Variants in GNG12 observed in about 807,000 individuals in gnomAD.
GNG12 encodes G protein subunit gamma 12.
For missense variants in GNG12, 69 were observed against 83.8 expected, an observed-to-expected ratio of 0.82 and a Z score of 0.69; for synonymous variants, 28 against 29.7, an observed-to-expected ratio of 0.94 and a Z score of 0.19.
chr1:67,712,015 G>A (rs1249994827), intron 2 of GNG12, among the ~76,000 whole-genome samples: 1 of 152,220 alleles, frequency 6.6e-6, no homozygotes, highest in African/African-American at 2.4e-5. Flanking sequence ...GAGAGGCAGA[G>A]GTGTTTACAG....
chr1:67,706,593 G>GACT (rs371229167), intron 3 of GNG12, among the ~76,000 whole-genome samples: 1 of 151,964 alleles, frequency 6.6e-6, no homozygotes, highest in African/African-American at 2.4e-5. Flanking sequence ...GAAGACAGGT[G>GACT]ACTATCTCCA....
chr1:67,705,877 C>T (rs1231801682), intron 3 of GNG12, among the ~76,000 whole-genome samples: 1 of 152,192 alleles, frequency 6.6e-6, no homozygotes, highest in East Asian at 1.9e-4. Context: ...GCTAGCATTC[C>T]TGTCCAACAT....
chr1:67,817,896 C>T (rs1279811966), intron 1 of GNG12, among the ~76,000 whole-genome samples: 1 of 151,170 alleles, frequency 6.6e-6, no homozygotes, highest in Non-Finnish European at 1.5e-5. Context: ...AGAAAATCCT[C>T]CCACCTCAGC....
At chr1:67,818,669 G>C (rs1312661064) in intron 1 of GNG12, among the ~76,000 whole-genome samples, 1 of 152,092 alleles carries the variant, frequency 6.6e-6, no homozygotes, top group Non-Finnish European at 1.5e-5. Context: ...GTGGAGGTAG[G>C]AGCTATTGTG....
chr1:67,751,648 A>G (rs1646539314), intron 2 of GNG12, among the ~76,000 whole-genome samples: 1 of 152,208 alleles, frequency 6.6e-6, no homozygotes, highest in African/African-American at 2.4e-5. Flanking sequence ...TACTTAGGTA[A>G]CCTGAAAAGC....
chr1:67,739,249 C>T (rs1278587742), intron 2 of GNG12, among the ~76,000 whole-genome samples: 1 of 152,208 alleles, frequency 6.6e-6, no homozygotes, highest in Non-Finnish European at 1.5e-5. Flanking sequence ...GGATCCCACC[C>T]TGTATGCCTG....
At chr1:67,808,880 T>C (rs1218879975) in intron 1 of GNG12, among the ~76,000 whole-genome samples, 2 of 152,184 alleles carry the variant, frequency 1.3e-5, no homozygotes, top group Non-Finnish European at 1.5e-5. Context: ...ACTTGACCTA[T>C]AGATTCAGTG....
intron 2 of GNG12, among the ~76,000 whole-genome samples, chr1:67,723,813 T>C (rs1302461119): frequency 6.6e-6 from 1 of 152,174 alleles, no homozygotes; most frequent in African/African-American, 2.4e-5. Context: ...GATACTTTTA[T>C]GATTAAGAAA....
intron 1 of GNG12, among the ~76,000 whole-genome samples, chr1:67,819,953 C>G: frequency 6.6e-6 from 1 of 152,104 alleles, no homozygotes; most frequent in Non-Finnish European, 1.5e-5. Context: ...TGTCTCAGTC[C>G]CCTGCTTTGC....
chr1:67,765,925 G>A (rs1212907343), intron 2 of GNG12, among the ~76,000 whole-genome samples: 1 of 152,110 alleles, frequency 6.6e-6, no homozygotes, highest in African/African-American at 2.4e-5. Context: ...ACAATGATTT[G>A]TTGTAACTAG....
intron 2 of GNG12, among the ~76,000 whole-genome samples, chr1:67,763,645 GC>G (rs1260313671): frequency 6.6e-6 from 1 of 151,622 alleles, no homozygotes; most frequent in Non-Finnish European, 1.5e-5. Context: ...CAACCCTCCT[GC>G]CTCAGCCTCC....
chr1:67,709,055 G>A (rs1416528574), intron 2 of GNG12, among the ~76,000 whole-genome samples: 2 of 152,228 alleles, frequency 1.3e-5, no homozygotes, highest in African/African-American at 4.8e-5. Context: ...ACTTGGGTAG[G>A]GCTTGTAGCC....
chr1:67,755,259 T>C (rs1646561481), intron 2 of GNG12, among the ~76,000 whole-genome samples: 1 of 152,272 alleles, frequency 6.6e-6, no homozygotes, highest in Admixed American at 6.5e-5. Context: ...TGTGGACTTC[T>C]TTTTATATGA....
At chr1:67,741,339 T>A (rs1377868625) in intron 2 of GNG12, among the ~76,000 whole-genome samples, 1 of 152,238 alleles carries the variant, frequency 6.6e-6, no homozygotes, top group Admixed American at 6.5e-5. Flanking sequence ...GTAAGGTCAC[T>A]GACATGTGCA....
In GNG12 at chr1:67,702,161, T is replaced by G. The variant is rs529011159; in HGVS notation, c.*3290A>C. 2.5e-4 allele frequency: 38 copies of G among 152,334 alleles called. No homozygotes were observed. The highest frequency in any genetic ancestry group is 9.1e-4 in the African/African-American group (38 of 41,580). The allele number at this position is 152,334 out of a possible 1,614,324, so 9.4% of individuals were successfully genotyped here. A position where few individuals can be genotyped will look rare whatever the true frequency, so the allele number is the denominator to read the frequency against. ...AGTGCTCTATTTTAACATACAGATA[T>G]AAGATTCTATTTGATTTGATGTATT... is the stretch of plus-strand genomic sequence containing the variant. On this transcript the variant is annotated 3_prime_UTR_variant, in exon 4 of 4. Transcript: ENST00000370982.
intron 2 of GNG12, among the ~76,000 whole-genome samples, chr1:67,757,914 G>A (rs1301587644): frequency 2.0e-5 from 3 of 152,208 alleles, no homozygotes; most frequent in Non-Finnish European, 4.4e-5. Context: ...TTACATAAAC[G>A]AGTCTCTGTG....
intron 1 of GNG12, among the ~76,000 whole-genome samples, chr1:67,798,198 G>A (rs1450030648): frequency 2.0e-5 from 3 of 152,174 alleles, no homozygotes; most frequent in African/African-American, 4.8e-5. Flanking sequence ...GGCAGGAAGC[G>A]AGCAGTACCA....
At chr1:67,807,497 A>C (rs1331008916) in intron 1 of GNG12, among the ~76,000 whole-genome samples, 2 of 151,966 alleles carry the variant, frequency 1.3e-5, no homozygotes, top group African/African-American at 4.8e-5. Flanking sequence ...GAAATTAAAC[A>C]GAAAAAAAAA....
At chr1:67,713,277 T>C (rs746743518) in intron 2 of GNG12, among the ~76,000 whole-genome samples, 1 of 152,240 alleles carries the variant, frequency 6.6e-6, no homozygotes, top group Non-Finnish European at 1.5e-5. Flanking sequence ...ACTCTGGCTA[T>C]CACTTCTGCA....
Sources: gnomAD v4.1 joint callset for allele counts (sites outside exome capture counted in the v4.1 genomes callset) on GRCh38, gnomAD v4.1.1 for gene constraint, MANE v1.5 for transcripts, NCBI Gene and HGNC (gene_info 2026-07-23, HGNC 2026-07-21) for gene names.